The following TMEM120B variants were observed in gnomAD, a reference collection of about 807,000 sequenced individuals.
TMEM120B encodes the protein transmembrane protein 120B.
TMEM120B carries 31 observed loss-of-function variants against 55.5 expected under a neutral mutation model. The ratio of observed to expected loss-of-function variants is 0.56; its 90% confidence interval spans 0.42 to 0.75. The LOEUF (loss-of-function observed/expected upper bound fraction) is 0.75. Ranked by LOEUF, TMEM120B falls within the 30% of genes least tolerant of loss-of-function variation. The pLI, the probability that TMEM120B is intolerant of heterozygous loss-of-function variation, is 0.00. For missense variants in TMEM120B, 399 were observed against 425.5 expected (o/e 0.94, Z 0.55); for synonymous variants, 203 against 176.3 (o/e 1.15, Z -1.20).
intron 4 of TMEM120B, among the ~76,000 whole-genome samples, chr12:121,750,983 A>ACCCCACC (rs1873294255): frequency 2.8e-5 from 1 of 35,490 alleles, no homozygotes; most frequent in Non-Finnish European, 5.1e-5. Context: ...CCACACCCAC[A>ACCCCACC]CCCCACACCC....
intron 7 of TMEM120B, 62 bp from the exon 8 acceptor site, chr12:121,771,426 C>A: frequency 7.1e-7 from 1 of 1,403,690 alleles, no homozygotes; most frequent in Non-Finnish European, 1.0e-6. Context: ...GGAGTTGGGG[C>A]GGGGAGGAAT....
At chr12:121,752,276 G>C (rs1873355098) in intron 5 of TMEM120B, 53 bp downstream of exon 5, 15 of 1,515,362 alleles carry the variant, frequency 9.9e-6, no homozygotes, top group African/African-American at 9.6e-5. Context: ...CGTCAGGTGG[G>C]GGCCGGGAGA....
intron 1 of TMEM120B, among the ~76,000 whole-genome samples, chr12:121,740,692 G>C (rs192629181): frequency 6.6e-6 from 1 of 152,088 alleles, no homozygotes; most frequent in Non-Finnish European, 1.5e-5. Flanking sequence ...GAAAATCTGT[G>C]TATAAGTGGA....
chr12:121,748,766 A>G (rs568436224), intron 3 of TMEM120B, among the ~76,000 whole-genome samples: 1 of 152,190 alleles, frequency 6.6e-6, no homozygotes, highest in East Asian at 1.9e-4. Context: ...CTGCACGCTC[A>G]GAGCTGTGCC....
At chr12:121,742,892 G>A (rs1178316294) in intron 1 of TMEM120B, among the ~76,000 whole-genome samples, 1 of 152,144 alleles carries the variant, frequency 6.6e-6, no homozygotes, top group Non-Finnish European at 1.5e-5. Context: ...TGTTTTTAAT[G>A]TCATGGTCTT....
At chr12:121,753,440 G>C (rs1042455801) in intron 5 of TMEM120B, among the ~76,000 whole-genome samples, 1 of 152,048 alleles carries the variant, frequency 6.6e-6, no homozygotes, top group Non-Finnish European at 1.5e-5. Flanking sequence ...GCGTGGTGGT[G>C]GGTGCCTGTA....
chr12:121,775,611 G>A lies in TMEM120B; in HGVS notation c.909G>A (p.Val303=). Residue 303 remains valine, a splice_region_variant and synonymous_variant, in exon 12 of 12, where the codon GTG becomes GTA. Coordinates refer to ENST00000449592, the MANE Select transcript of TMEM120B (RefSeq NM_001080825.2). The surrounding 1 kb of genome is among the most constrained non-coding windows in gnomAD (Gnocchi z 4.3). ...SSHEECREWQ[V]FVLAFTFLIL... ...CCCTCCTCTCTGGACTCCCCCAGGT[G>A]TTCGTACTGGCGTTCACCTTCCTCA... The A allele has an allele frequency of 6.2e-7, 1 of 1,613,504 alleles. No individual in the cohort carries two copies. The highest frequency in any genetic ancestry group is 1.1e-5 in the South Asian group (1 of 91,052).
At chr12:121,733,267 G>C (rs1592929086) in intron 1 of TMEM120B, among the ~76,000 whole-genome samples, 1 of 151,928 alleles carries the variant, frequency 6.6e-6, no homozygotes, top group South Asian at 2.1e-4. Flanking sequence ...TTTTGAGAGA[G>C]AGAGTCTCGC....
chr12:121,727,864 A>T (rs1482806715), intron 1 of TMEM120B, among the ~76,000 whole-genome samples: 1 of 114,366 alleles, frequency 8.7e-6, no homozygotes, highest in Non-Finnish European at 1.8e-5. Flanking sequence ...ACAGAGCGAC[A>T]CTCCATCTCA....
At chr12:121,760,303 AAAG>A (rs1873631280) in intron 5 of TMEM120B, among the ~76,000 whole-genome samples, 3 of 152,058 alleles carry the variant, frequency 2.0e-5, no homozygotes, top group Non-Finnish European at 4.4e-5. Context: ...TCAAAAAAAA[AAAG>A]AAAAAGTAAA....
chr12:121,763,952 C>T (rs987669821), intron 6 of TMEM120B, among the ~76,000 whole-genome samples: 4 of 152,124 alleles, frequency 2.6e-5, no homozygotes, highest in Admixed American at 2.0e-4. Context: ...GGAGAGCCCC[C>T]CTCCTGCCTG....
At chr12:121,755,923 G>A (rs1873463387) in intron 5 of TMEM120B, among the ~76,000 whole-genome samples, 1 of 152,126 alleles carries the variant, frequency 6.6e-6, no homozygotes, top group Admixed American at 6.6e-5. Context: ...GTAGATGCTG[G>A]TGGCTTGATA....
At position 121,779,743 on chromosome 12, in the gene TMEM120B, C is replaced by G; in HGVS notation, c.*4021C>G. On this transcript the variant is annotated 3_prime_UTR_variant, in exon 12 of 12. Transcript: ENST00000449592. ...CCACCTGGTGGGTTTGGGACTGGCT[C>G]TGAGGACTCTGCAGGGATGGAGGCC... 1 of 1,463,492 alleles carries G rather than the reference C, an allele frequency of 6.8e-7. No homozygotes were observed. The highest frequency in any genetic ancestry group is 9.4e-7 in the Non-Finnish European group (1 of 1,062,218). The allele number at this position is 1,463,492 out of a possible 1,614,324, so 90.7% of individuals were successfully genotyped here.
Sources: allele counts gnomAD v4.1 joint callset (sites outside exome capture counted in the v4.1 genomes callset), GRCh38; gene constraint gnomAD v4.1.1; non-coding constraint Gnocchi (gnomAD v3.1); transcripts MANE v1.5; gene names NCBI Gene and HGNC (gene_info 2026-07-23, HGNC 2026-07-21).